The following ZNF771 variants were observed in gnomAD, a reference collection of about 807,000 sequenced individuals.
ZNF771 encodes zinc finger protein 771.
ZNF771 carries 10 observed loss-of-function variants against 27.6 expected under a neutral mutation model. That is an observed-to-expected ratio of 0.36 (90% CI 0.22 to 0.61). The LOEUF (loss-of-function observed/expected upper bound fraction) is 0.61, where lower values mean the gene tolerates loss of function less well. Among genes scored for constraint, ZNF771 ranks in the 20% least tolerant of loss-of-function variants. The pLI is 0.70. For missense variants in ZNF771, 438 were observed against 503.7 expected, an observed-to-expected ratio of 0.87 and a Z score of 1.25; for synonymous variants, 261 against 225.2, an observed-to-expected ratio of 1.16 and a Z score of -1.43.
In ZNF771 at chr16:30,417,902, A is replaced by C. The variant is rs1184372258; in HGVS notation, c.489A>C (p.Ala163=). ...GCTTCGCGCAGAGCTCCAACTACGCACAGCACCTGCGCGTGCACACGGGCG... is the reference window on the plus strand; with the variant it reads ...GCTTCGCGCAGAGCTCCAACTACGCCCAGCACCTGCGCGTGCACACGGGCG... ...GRRFAQSSNY[A]QHLRVHTGEK... The change falls in exon 3 of 3, where the codon GCA becomes GCC. Residue 163 remains alanine (A), a synonymous_variant. Coordinates refer to ENST00000319296, the MANE Select transcript of ZNF771 (RefSeq NM_001142305.2). The C allele has an allele frequency of 6.6e-7, 1 of 1,510,362 alleles. No homozygotes were observed. Among genetic ancestry groups the C allele is most frequent in the Non-Finnish European group, 8.8e-7 (1 of 1,140,062 alleles). The allele number at this position is 1,510,362 out of a possible 1,614,324, so 93.6% of individuals were successfully genotyped here.
Position 30,408,042 on chromosome 16 carries a change from C to G in ZNF771, c.-9-3C>G. On this transcript the variant is annotated splice_polypyrimidine_tract_variant and splice_region_variant and intron_variant, in intron 1 of 2. Transcript: ENST00000319296. ...GAGCTTCTGATCCAGCTCCCCGCCT[C>G]AGGACACCAAGATGCCTGGCGAACA... The G allele has an allele frequency of 6.5e-7, 1 of 1,548,690 alleles. No individual in the cohort carries two copies. The highest frequency in any genetic ancestry group is 8.7e-7 in the Non-Finnish European group (1 of 1,146,104).
At chr16:30,411,255 G>T (rs1199878299) in intron 2 of ZNF771, among the ~76,000 whole-genome samples, 2 of 151,680 alleles carry the variant, frequency 1.3e-5, no homozygotes, top group Admixed American at 6.6e-5. Context: ...GGAGGCGGAG[G>T]TTGCAGTGAG....
At chr16:30,416,595 T>A (rs2050135213) in intron 2 of ZNF771, among the ~76,000 whole-genome samples, 1 of 152,150 alleles carries the variant, frequency 6.6e-6, no homozygotes, top group African/African-American at 2.4e-5. Flanking sequence ...GTCACCTGGG[T>A]ATGAGCCACT....
chr16:30,415,347 AG>A (rs1294085544), intron 2 of ZNF771, among the ~76,000 whole-genome samples: 1 of 151,232 alleles, frequency 6.6e-6, no homozygotes, highest in Non-Finnish European at 1.5e-5. Context: ...CTGCAGCTTC[AG>A]AAACAGAAGG....
rs768470929 is a variant in ZNF771 at position 30,417,896 on chromosome 16, C to A, written c.483C>A (p.Asn161Lys). 2 of 1,519,744 alleles carry A rather than the reference C, an allele frequency of 1.3e-6. No individual in the cohort carries two copies. The highest frequency in any genetic ancestry group is 1.7e-6 in the Non-Finnish European group (2 of 1,143,280). The allele number at this position is 1,519,744 out of a possible 1,614,324, so 94.1% of individuals were successfully genotyped here. A position where few individuals can be genotyped will look rare whatever the true frequency, so the allele number is the denominator to read the frequency against. The change falls in exon 3 of 3, where the codon AAC becomes AAA. Residue 161 changes from asparagine to lysine, a missense_variant. Physicochemically the swap from Asn to Lys is moderately conservative, Grantham distance 94. Transcript: ENST00000319296. The stretch of plus-strand genomic sequence containing the variant: ...GCCGCCGCTTCGCGCAGAGCTCCAA[C>A]TACGCACAGCACCTGCGCGTGCACA... Reference protein sequence around the residue: ...HCGRRFAQSSNYAQHLRVHTG... With the variant: ...HCGRRFAQSSKYAQHLRVHTG...
rs532162207 is a variant in ZNF771, at chr16:30,418,269, C to G, written c.856C>G (p.Leu286Val). The change falls in exon 3 of 3, where the codon CTG becomes GTG. Residue 286 changes from leucine to valine, a missense_variant. Physicochemically the swap from Leu to Val is conservative, Grantham distance 32. Coordinates refer to ENST00000319296, the MANE Select transcript of ZNF771 (RefSeq NM_001142305.2). ...RHRRAHMRRR[L>V]YICAGCGRDF... ...CCGACGCGCGCACATGCGGCGCCGC[C>G]TGTATATTTGCGCCGGCTGCGGCAG... 1 of 1,511,810 alleles carries G rather than the reference C, an allele frequency of 6.6e-7. No homozygotes were observed. The allele number at this position is 1,511,810 out of a possible 1,614,324, so 93.6% of individuals were successfully genotyped here. A position where few individuals can be genotyped will look rare whatever the true frequency, so the allele number is the denominator to read the frequency against.
chr16:30,411,640 G>A (rs1204933876), intron 2 of ZNF771, among the ~76,000 whole-genome samples: 1 of 152,160 alleles, frequency 6.6e-6, no homozygotes, highest in Non-Finnish European at 1.5e-5. Context: ...ATGCCAGTCT[G>A]AGAAGTGTCA....
At chr16:30,414,155 CT>C (rs2050121373) in intron 2 of ZNF771, 1 of 152,148 alleles carries the variant, frequency 6.6e-6, no homozygotes, top group Non-Finnish European at 1.5e-5. Context: ...GAGACAAGTT[CT>C]CTCCACAGTG....
At position 30,417,888 on chromosome 16, in the gene ZNF771, A is replaced by G. The variant is rs1243121392; in HGVS notation, c.475A>G (p.Ser159Gly). 1.5e-5 allele frequency: 22 copies of G among 1,513,452 alleles called. No individual in the cohort carries two copies. The highest frequency in any genetic ancestry group is 1.9e-5 in the Non-Finnish European group (22 of 1,140,478). The allele number at this position is 1,513,452 out of a possible 1,614,324, so 93.8% of individuals were successfully genotyped here. ...GCACTGCGGCCGCCGCTTCGCGCAG[A>G]GCTCCAACTACGCACAGCACCTGCG... ...CAHCGRRFAQ[S>G]SNYAQHLRVH... is the part of the protein sequence containing the mutation. Residue 159 changes from serine (S) to glycine (G), a missense_variant, in exon 3 of 3, where the codon AGC (serine) becomes GGC (glycine). Transcript: ENST00000319296.
chr16:30,407,899 G>A, intron 1 of ZNF771, 146 bp from the exon 2 acceptor site: 1 of 591,552 alleles, frequency 1.7e-6, no homozygotes, highest in Admixed American at 3.0e-5. Flanking sequence ...CCGGGCTGGG[G>A]TGGACGGGAG....
rs1338826192 is a variant in ZNF771, at chr16:30,418,036, G to A, written c.623G>A (p.Cys208Tyr). Reference sequence around the variant, plus strand: ...GAGCGGCCCTACGCTTGCGCCGACTGCGGCACGCGCTTCGCTCAGAGCTCG... The same window carrying A: ...GAGCGGCCCTACGCTTGCGCCGACTACGGCACGCGCTTCGCTCAGAGCTCG... ...TGERPYACAD[C>Y]GTRFAQSSAL... The change falls in exon 3 of 3, where the codon TGC (cysteine) becomes TAC (tyrosine). Residue 208 changes from cysteine (C) to tyrosine (Y), a missense_variant. By Grantham distance (194) the Cys-to-Tyr change is radical. Transcript: ENST00000319296. 1.4e-6 allele frequency: 2 copies of A among 1,447,846 alleles called. No individual in the cohort carries two copies. The highest frequency in any genetic ancestry group is 1.8e-6 in the Non-Finnish European group (2 of 1,110,576). The allele number at this position is 1,447,846 out of a possible 1,614,324, so 89.7% of individuals were successfully genotyped here. A position where few individuals can be genotyped will look rare whatever the true frequency, so the allele number is the denominator to read the frequency against.
chr16:30,407,983 TGGGCGGGGGGGGGGGTGGGGGG>T (rs901671497), intron 1 of ZNF771, 40 bp from the exon 2 acceptor site: 5 of 792,730 alleles, frequency 6.3e-6, no homozygotes, highest in African/African-American at 5.4e-5. Context: ...AGGGCCACGG[TGGGCGGGGGGGGGGGTGGGGGG>T]GGGCGGGTCC....
At chr16:30,414,988 C>A (rs2050126178) in intron 2 of ZNF771, among the ~76,000 whole-genome samples, 1 of 105,430 alleles carries the variant, frequency 9.5e-6, no homozygotes, top group Non-Finnish European at 1.8e-5. Flanking sequence ...GATGGAATCT[C>A]ACTCTGTTCC....
At position 30,413,850 on chromosome 16, in the gene ZNF771, T is replaced by C. The variant is rs2050119151; in HGVS notation, c.142-3705T>C. On this transcript the variant is annotated intron_variant, in intron 2 of 2. Transcript: ENST00000319296. ...TCCCGAAGTGCTAAGATTACAGGTG[T>C]GAGTCACTGCACCTGGCCTCATACT... 1.8e-5 allele frequency: 3 copies of C among 166,124 alleles called. No individual in the cohort carries two copies. The South Asian group carries it at 4.0e-4, about 22-fold the overall frequency. The allele number at this position is 166,124 out of a possible 1,614,324, so 10.3% of individuals were successfully genotyped here.
intron 1 of ZNF771, 58 bp from the exon 2 acceptor site, chr16:30,407,987 C>CGGGGGGG (rs1205134281): frequency 1.2e-4 from 89 of 719,826 alleles, no homozygotes; most frequent in Admixed American, 2.8e-4. Context: ...CCACGGTGGG[C>CGGGGGGG]GGGGGGGGGG....
At chr16:30,411,658 G>A (rs1326653994) in intron 2 of ZNF771, among the ~76,000 whole-genome samples, 1 of 152,158 alleles carries the variant, frequency 6.6e-6, no homozygotes, top group African/African-American at 2.4e-5. Context: ...TCATCAAGGT[G>A]ACTAGATTTG....
Position 30,417,887 on chromosome 16 carries a change from G to GAGCTCCAACTACGCAC in ZNF771, c.478_493dup (p.His165LeufsTer156). On this transcript the variant is annotated frameshift_variant, in exon 3 of 3. Transcript: ENST00000319296. LOFTEE classifies it high-confidence loss of function. ...CGCACTGCGGCCGCCGCTTCGCGCA[G>GAGCTCCAACTACGCAC]AGCTCCAACTACGCACAGCACCTGC... The GAGCTCCAACTACGCAC allele has an allele frequency of 6.6e-7, 1 of 1,511,258 alleles. No individual in the cohort carries two copies. The highest frequency in any genetic ancestry group is 8.8e-7 in the Non-Finnish European group (1 of 1,139,426). 93.6% of individuals were successfully genotyped at this position (1,511,258 alleles called of 1,614,324 possible). A position where few individuals can be genotyped will look rare whatever the true frequency, so the allele number is the denominator to read the frequency against.
chr16:30,417,059 A>G lies in ZNF771; in HGVS notation c.142-496A>G, dbSNP rs79718222. 1.0e-3 allele frequency among the ~76,000 whole-genome samples: 159 copies of G among 152,140 alleles called. No individual in the cohort carries two copies. In the East Asian group the frequency reaches 0.029, roughly 28 times the overall value. ...TTTTTCTTGCCATTTCTGGAACAGC[A>G]GGCAACTCCCGCCTCTGCGCCCTGC... On this transcript the variant is annotated intron_variant, in intron 2 of 2. Coordinates refer to ENST00000319296, the MANE Select transcript of ZNF771 (RefSeq NM_001142305.2).
At chr16:30,407,794 T>G (rs973332297) in intron 1 of ZNF771, 130 bp downstream of exon 1, 1 of 261,052 alleles carries the variant, frequency 3.8e-6, no homozygotes, top group Non-Finnish European at 7.4e-6. Flanking sequence ...TTGCGGGGGC[T>G]GGAGATTCGA....
Sources: gnomAD v4.1 joint callset for allele counts (sites outside exome capture counted in the v4.1 genomes callset) on GRCh38, gnomAD v4.1.1 for gene constraint, MANE v1.5 for transcripts, NCBI Gene and HGNC (gene_info 2026-07-23, HGNC 2026-07-21) for gene names.